Variants in ADAMTS20 observed in about 807,000 individuals in gnomAD.
The protein encoded by ADAMTS20 is ADAM metallopeptidase with thrombospondin type 1 motif 20.
A neutral mutation model predicts 260.1 loss-of-function variants in ADAMTS20; 225 were observed. That is an observed-to-expected ratio of 0.87 (90% CI 0.78 to 0.97). The LOEUF is 0.97. Among genes scored for constraint, ADAMTS20 ranks in the 50% least tolerant of loss-of-function variants. ADAMTS20 has a pLI of 0.00. For missense variants in ADAMTS20, 2,400 were observed against 2,337.7 expected (o/e 1.03, Z -0.55); for synonymous variants, 802 against 769.5 (o/e 1.04, Z -0.70).
chr12:43,416,561 T>C (rs1592057626), intron 28 of ADAMTS20, among the ~76,000 whole-genome samples: 1 of 150,594 alleles, frequency 6.6e-6, no homozygotes, highest in African/African-American at 2.5e-5. Flanking sequence ...TCTCACTCTG[T>C]CGCCCAGGCT....
intron 3 of ADAMTS20, among the ~76,000 whole-genome samples, chr12:43,528,247 A>G (rs886850796): frequency 2.6e-5 from 4 of 151,168 alleles, no homozygotes; most frequent in Non-Finnish European, 5.9e-5. Flanking sequence ...TATCCTGAAA[A>G]ATGACCACAT....
At chr12:43,460,988 A>ATATATATTTTTTTTTTT in intron 11 of ADAMTS20, among the ~76,000 whole-genome samples, 1 of 26,392 alleles carries the variant, frequency 3.8e-5, no homozygotes, top group African/African-American at 1.3e-4. Flanking sequence ...ATATATATAT[A>ATATATATTTTTTTTTTT]TTTTTTTTTT....
chr12:43,401,181 A>G (rs1037249064), intron 28 of ADAMTS20, among the ~76,000 whole-genome samples: 3 of 151,994 alleles, frequency 2.0e-5, no homozygotes, highest in Non-Finnish European at 4.4e-5. Context: ...CAAAGAGAAG[A>G]TAATATTTAA....
intron 16 of ADAMTS20, among the ~76,000 whole-genome samples, chr12:43,441,011 G>A (rs1941654375): frequency 6.6e-6 from 1 of 150,666 alleles, no homozygotes; most frequent in Non-Finnish European, 1.5e-5. Flanking sequence ...CTTGCAGTGA[G>A]CTGAGATAGC....
In ADAMTS20 at chr12:43,551,578, C is replaced by T. The variant is rs1228414889; in HGVS notation, c.91+253G>A. ...CCCGCAGCCCCCAACTCGTTCCCTC[C>T]GGGTGCAAGCGACCCCCTGCCCCTT... On this transcript the variant is annotated intron_variant, in intron 1 of 38. Coordinates refer to ENST00000389420, the MANE Select transcript of ADAMTS20 (RefSeq NM_025003.5). This position sits in a 1 kb window ranked among gnomAD's most constrained non-coding sequence, Gnocchi z 4.6. 6.6e-6 allele frequency among the ~76,000 whole-genome samples: 1 copy of T among 152,184 alleles called. No homozygotes were observed. Among genetic ancestry groups the T allele is most frequent in the Non-Finnish European group, 1.5e-5 (1 of 68,034 alleles).
chr12:43,462,114 T>C (rs984528203), intron 11 of ADAMTS20, among the ~76,000 whole-genome samples: 1 of 152,226 alleles, frequency 6.6e-6, no homozygotes, highest in African/African-American at 2.4e-5. Context: ...AAGGCAAAGT[T>C]CAGCTACTGA....
In ADAMTS20 at chr12:43,443,867, TACA is replaced by T. The variant is rs750333625; in HGVS notation, c.2211_2213del (p.Val738del). On this transcript the variant is annotated inframe_deletion, in exon 16 of 39. Coordinates refer to ENST00000389420, the MANE Select transcript of ADAMTS20 (RefSeq NM_025003.5). ...CGTTTGTTGCTCCTGCGGGAATCTT[TACA>T]ACAACATTATAACCTGCAATATAAT... 12 of 1,612,982 alleles carry T rather than the reference TACA, an allele frequency of 7.4e-6. No homozygotes were observed. The highest frequency in any genetic ancestry group is 1.7e-5 in the Admixed American group (1 of 59,978).
Position 43,498,007 on chromosome 12 carries a change from A to G in ADAMTS20, c.867+4145T>C, listed in dbSNP as rs541171788. ...ACTGCTCTAGTTTACATACATTTTT[A>G]GTAGCTTAATAATGCATATATATAT... On this transcript the variant is annotated intron_variant, in intron 4 of 38. Transcript: ENST00000389420. Among the ~76,000 whole-genome samples the G allele has an allele frequency of 5.3e-5, 8 of 152,286 alleles. No individual in the cohort carries two copies. In the South Asian group the frequency reaches 1.7e-3, roughly 32 times the overall value.
intron 28 of ADAMTS20, among the ~76,000 whole-genome samples, chr12:43,418,111 T>C (rs1476461256): frequency 2.0e-5 from 3 of 152,188 alleles, no homozygotes; most frequent in Admixed American, 2.0e-4. Flanking sequence ...GAATTACCAA[T>C]TTTTATATTA....
chr12:43,455,682 T>C lies in ADAMTS20; in HGVS notation c.1615-1630A>G, dbSNP rs1011727838. Among the ~76,000 whole-genome samples, 39 of 151,484 alleles carry C rather than the reference T, an allele frequency of 2.6e-4. 1 individual carries two copies. The highest frequency in any genetic ancestry group is 9.2e-4 in the African/African-American group (38 of 41,356). ...TTACCACACTTTATTTATCCTTTCA[T>C]CCATCAATGGACACTGGGTTGCTTT... is the stretch of plus-strand genomic sequence containing the variant. On this transcript the variant is annotated intron_variant, in intron 11 of 38. Transcript: ENST00000389420.
At chr12:43,482,274 C>T (rs867999217) in intron 7 of ADAMTS20, among the ~76,000 whole-genome samples, 7 of 152,186 alleles carry the variant, frequency 4.6e-5, no homozygotes, top group African/African-American at 1.4e-4. Flanking sequence ...ACCAGAGGAG[C>T]GAGCCTGAAG....
intron 6 of ADAMTS20, 90 bp downstream of exon 6, chr12:43,492,414 CA>C: frequency 1.4e-6 from 2 of 1,414,926 alleles, no homozygotes; most frequent in Non-Finnish European, 1.9e-6. Flanking sequence ...AAAACAAAAA[CA>C]AAACAAAAAA....
intron 36 of ADAMTS20, among the ~76,000 whole-genome samples, chr12:43,372,917 A>G (rs1019530798): frequency 6.6e-6 from 1 of 152,170 alleles, no homozygotes; most frequent in Non-Finnish European, 1.5e-5. Flanking sequence ...GAGTTAGTAG[A>G]GTGGAGGTAT....
chr12:43,551,818 G>A lies in ADAMTS20; in HGVS notation c.91+13C>T. On this transcript the variant is annotated intron_variant, in intron 1 of 38. Coordinates refer to ENST00000389420, the MANE Select transcript of ADAMTS20 (RefSeq NM_025003.5). The surrounding 1 kb of genome is among the most constrained non-coding windows in gnomAD (Gnocchi z 4.6). ...CCCACTTAGCCGCTGAAGGCGTCTC[G>A]CGGTGACTTTACCTTGCCTGGGGTG... is the stretch of plus-strand genomic sequence containing the variant. 1 of 1,612,726 alleles carries A rather than the reference G, an allele frequency of 6.2e-7. No individual in the cohort carries two copies. The highest frequency in any genetic ancestry group is 8.5e-7 in the Non-Finnish European group (1 of 1,179,390).
chr12:43,366,187 C>A (rs1040273830), intron 37 of ADAMTS20, among the ~76,000 whole-genome samples: 1 of 151,608 alleles, frequency 6.6e-6, no homozygotes, highest in Non-Finnish European at 1.5e-5. Flanking sequence ...CTGGAGTGGC[C>A]ACACTAGTAT....
intron 7 of ADAMTS20, among the ~76,000 whole-genome samples, chr12:43,481,118 A>G (rs1942435003): frequency 6.6e-6 from 1 of 152,152 alleles, no homozygotes; most frequent in African/African-American, 2.4e-5. Context: ...TTAAAATTCT[A>G]TGGAATTCAC....
At chr12:43,518,403 G>C (rs1279820997) in intron 3 of ADAMTS20, among the ~76,000 whole-genome samples, 1 of 151,938 alleles carries the variant, frequency 6.6e-6, no homozygotes, top group Non-Finnish European at 1.5e-5. Context: ...TGGTTTTTGG[G>C]CAAACATTCC....
chr12:43,355,078 T>G (rs1939715643), intron 38 of ADAMTS20, among the ~76,000 whole-genome samples: 1 of 152,122 alleles, frequency 6.6e-6, no homozygotes, highest in African/African-American at 2.4e-5. Flanking sequence ...TTTTTTTAAA[T>G]CTAAGGGAGT....
intron 2 of ADAMTS20, among the ~76,000 whole-genome samples, chr12:43,549,429 CCTA>C (rs1262966215): frequency 6.6e-6 from 1 of 151,848 alleles, no homozygotes; most frequent in Non-Finnish European, 1.5e-5. Flanking sequence ...AATATATATA[CCTA>C]CTATGTACCC....
Sources: gnomAD v4.1 joint callset for allele counts (sites outside exome capture counted in the v4.1 genomes callset) on GRCh38, gnomAD v4.1.1 for gene constraint, Gnocchi (gnomAD v3.1) non-coding constraint, MANE v1.5 for transcripts, NCBI Gene and HGNC (gene_info 2026-07-23, HGNC 2026-07-21) for gene names.